SDCCAG8: variants seen among roughly 807,000 people sequenced by gnomAD.
SDCCAG8 encodes the protein serologically defined colon cancer antigen 8.
In SDCCAG8, 74 loss-of-function variants were observed where a neutral mutation model predicts 101.8. The observed-to-expected ratio is 0.73, with a 90% CI of 0.60 to 0.88. The LOEUF is 0.88. SDCCAG8 is among the 40% of genes least tolerant of loss of function. SDCCAG8 has a pLI of 0.00. For missense variants in SDCCAG8, 787 were observed against 822.6 expected, an observed-to-expected ratio of 0.96 and a Z score of 0.53; for synonymous variants, 281 against 292.9, an observed-to-expected ratio of 0.96 and a Z score of 0.41.
At chr1:243,431,273 C>T (rs1025506701) in intron 16 of SDCCAG8, among the ~76,000 whole-genome samples, 3 of 152,124 alleles carry the variant, frequency 2.0e-5, no homozygotes, top group African/African-American at 4.8e-5. Flanking sequence ...GACTGGAATG[C>T]TAATATTGGT....
chr1:243,341,796 A>G (rs572478402), intron 11 of SDCCAG8, among the ~76,000 whole-genome samples: 3 of 152,222 alleles, frequency 2.0e-5, no homozygotes, highest in Non-Finnish European at 2.9e-5. Flanking sequence ...TGATTAAGAT[A>G]CATATTGTAA....
intron 16 of SDCCAG8, among the ~76,000 whole-genome samples, chr1:243,453,219 T>C (rs1236990845): frequency 6.6e-6 from 1 of 152,146 alleles, no homozygotes; most frequent in Non-Finnish European, 1.5e-5. Context: ...TGGAGCAGGT[T>C]TCGCTTGGCA....
rs148382740 is a variant in SDCCAG8, at chr1:243,478,956, C to CAAAAAAAAAAAAAAAAAAAAAAA, written c.1986-10037_1986-10036insAAAAAAAAAAAAAAAAAAAAAAA. Among the ~76,000 whole-genome samples the CAAAAAAAAAAAAAAAAAAAAAAA allele has an allele frequency of 8.4e-5, 8 of 94,726 alleles. 1 individual carries two copies. Among genetic ancestry groups the CAAAAAAAAAAAAAAAAAAAAAAA allele is most frequent in the African/African-American group, 3.5e-4 (8 of 23,002 alleles). 62.1% of individuals were successfully genotyped at this position (94,726 alleles called of 152,430 possible). On this transcript the variant is annotated intron_variant, in intron 16 of 17. Coordinates refer to ENST00000366541, the MANE Select transcript of SDCCAG8 (RefSeq NM_006642.5). ...CTGGCCACAGAGTGAGACTCTGTCTCAAAAAAAAAAAAAAAAAAAAAGAAA... is the reference window on the plus strand; with the variant it reads ...CTGGCCACAGAGTGAGACTCTGTCTCAAAAAAAAAAAAAAAAAAAAAAAAAAAAAAAAAAAAAAAAAAAAGAAA...
chr1:243,357,497 G>C (rs544660487), intron 12 of SDCCAG8, among the ~76,000 whole-genome samples: 20 of 152,284 alleles, frequency 1.3e-4, no homozygotes, highest in Non-Finnish European at 2.6e-4. Flanking sequence ...GGCTTGGTGG[G>C]CACCAAGGGT....
chr1:243,432,025 A>G (rs1021340622), intron 16 of SDCCAG8, among the ~76,000 whole-genome samples: 4 of 152,320 alleles, frequency 2.6e-5, no homozygotes, highest in East Asian at 1.9e-4. Context: ...TCTTTACCAA[A>G]TCCGTAAGTT....
chr1:243,294,682 G>T, intron 6 of SDCCAG8, among the ~76,000 whole-genome samples: 2 of 121,580 alleles, frequency 1.6e-5, no homozygotes, highest in East Asian at 2.5e-4. Context: ...TAGGCATACT[G>T]TGACTTTCTA....
At chr1:243,359,757 A>G (rs2076591102) in intron 12 of SDCCAG8, among the ~76,000 whole-genome samples, 1 of 152,234 alleles carries the variant, frequency 6.6e-6, no homozygotes, top group South Asian at 2.1e-4. Flanking sequence ...GAGTGAATGC[A>G]TAGTGAGCTA....
intron 15 of SDCCAG8, among the ~76,000 whole-genome samples, chr1:243,424,230 G>A (rs2081198358): frequency 6.6e-6 from 1 of 151,810 alleles, no homozygotes; most frequent in Non-Finnish European, 1.5e-5. Context: ...ATTTTTTAGA[G>A]CAGTTTTAGG....
At chr1:243,485,890 T>C (rs1482078164) in intron 16 of SDCCAG8, among the ~76,000 whole-genome samples, 1 of 124,148 alleles carries the variant, frequency 8.1e-6, no homozygotes, top group Non-Finnish European at 1.7e-5. Context: ...AGACTTCGTA[T>C]CAAGAAAAAA....
chr1:243,285,406 T>C (rs1357362367), intron 4 of SDCCAG8, among the ~76,000 whole-genome samples: 1 of 152,182 alleles, frequency 6.6e-6, no homozygotes, highest in African/African-American at 2.4e-5. Flanking sequence ...ATTTTTCCTG[T>C]TGGGAAGATG....
At chr1:243,493,310 G>A (rs1667037638) in intron 17 of SDCCAG8, among the ~76,000 whole-genome samples, 1 of 152,130 alleles carries the variant, frequency 6.6e-6, no homozygotes, top group African/African-American at 2.4e-5. Flanking sequence ...CAGGGTCAGG[G>A]GTCTGCGGCC....
chr1:243,300,980 G>A (rs1220419432), intron 6 of SDCCAG8, among the ~76,000 whole-genome samples: 1 of 152,042 alleles, frequency 6.6e-6, no homozygotes, highest in East Asian at 1.9e-4. Flanking sequence ...TAAGAAAGAG[G>A]TATGTCATAA....
intron 10 of SDCCAG8, chr1:243,338,937 G>T (rs2147774658): frequency 6.5e-6 from 1 of 153,912 alleles, no homozygotes; most frequent in South Asian, 1.9e-4. Context: ...TTGACTTCCA[G>T]ATGGTGGGTG....
At chr1:243,402,196 G>A (rs898030355) in intron 13 of SDCCAG8, among the ~76,000 whole-genome samples, 2 of 152,160 alleles carry the variant, frequency 1.3e-5, no homozygotes, top group Non-Finnish European at 2.9e-5. Context: ...AGGAGGCCGA[G>A]GTGGGCAGAT....
chr1:243,463,040 G>T (rs931323306), intron 16 of SDCCAG8, among the ~76,000 whole-genome samples: 1 of 152,214 alleles, frequency 6.6e-6, no homozygotes, highest in Admixed American at 6.5e-5. Context: ...ATCTGATCCA[G>T]GGCCAATAGG....
intron 4 of SDCCAG8, among the ~76,000 whole-genome samples, chr1:243,278,108 T>C (rs1266440163): frequency 6.6e-6 from 1 of 152,230 alleles, no homozygotes; most frequent in East Asian, 1.9e-4. Flanking sequence ...CTATTGAGTA[T>C]CCCTATCCAT....
At chr1:243,331,326 G>A (rs1272342825) in intron 10 of SDCCAG8, among the ~76,000 whole-genome samples, 1 of 152,182 alleles carries the variant, frequency 6.6e-6, no homozygotes, top group Non-Finnish European at 1.5e-5. Context: ...CTCGAATTGA[G>A]CAAGTTGTGG....
At chr1:243,340,960 A>G in intron 10 of SDCCAG8, 79 bp from the exon 11 acceptor site, 1 of 1,416,714 alleles carries the variant, frequency 7.1e-7, no homozygotes, top group South Asian at 1.2e-5. Flanking sequence ...CTATGCTGAG[A>G]CGCTATTAAT....
chr1:243,495,682 G>A (rs1393187059), intron 17 of SDCCAG8, among the ~76,000 whole-genome samples: 1 of 152,172 alleles, frequency 6.6e-6, no homozygotes, highest in East Asian at 1.9e-4. Flanking sequence ...CTGTAGAGGA[G>A]TGCTCCCTTC....
Sources: allele counts gnomAD v4.1 joint callset (sites outside exome capture counted in the v4.1 genomes callset), GRCh38; gene constraint gnomAD v4.1.1; transcripts MANE v1.5; gene names NCBI Gene and HGNC (gene_info 2026-07-23, HGNC 2026-07-21).